The following PCDH15 variants were observed in gnomAD, a reference collection of about 807,000 sequenced individuals.
PCDH15 encodes the protein protocadherin related 15, also known as protocadherin-15.
A neutral mutation model predicts 178.5 loss-of-function variants in PCDH15; 129 were observed. That is an observed-to-expected ratio of 0.72 (90% CI 0.63 to 0.84). The LOEUF is 0.84. Ranked by LOEUF, PCDH15 falls within the 40% of genes least tolerant of loss-of-function variation. The pLI, the probability that PCDH15 is intolerant of heterozygous loss-of-function variation, is 0.00. For synonymous variants in PCDH15, 800 were observed against 732.0 expected (o/e 1.09, Z -1.50); for missense variants, 2,230 against 2,099.9 (o/e 1.06, Z -1.21).
At chr10:54,533,732 CT>C (rs761982137) in intron 2 of PCDH15, among the ~76,000 whole-genome samples, 2 of 152,088 alleles carry the variant, frequency 1.3e-5, no homozygotes, top group Non-Finnish European at 2.9e-5. Context: ...GAGTATTTGA[CT>C]TAACATAATC....
intron 3 of PCDH15, among the ~76,000 whole-genome samples, chr10:54,894,141 T>C (rs1360605766): frequency 6.6e-6 from 1 of 152,138 alleles, no homozygotes; most frequent in East Asian, 1.9e-4. Flanking sequence ...CATAGAAACA[T>C]AGCCCATCTC....
At chr10:54,032,420 CTTTA>C (rs1474059976) in intron 18 of PCDH15, among the ~76,000 whole-genome samples, 1 of 151,792 alleles carries the variant, frequency 6.6e-6, no homozygotes, top group Non-Finnish European at 1.5e-5. Flanking sequence ...ACAATGCCTG[CTTTA>C]TTTTTCTTTT....
At chr10:55,528,960 C>G (rs1004386474) in intron 2 of PCDH15, among the ~76,000 whole-genome samples, 1 of 152,188 alleles carries the variant, frequency 6.6e-6, no homozygotes, top group Non-Finnish European at 1.5e-5. Flanking sequence ...TTTTTATTTG[C>G]ATTTCTCTGA....
At chr10:55,357,130 G>A (rs147671869) in intron 2 of PCDH15, among the ~76,000 whole-genome samples, 59 of 151,962 alleles carry the variant, frequency 3.9e-4, no homozygotes, top group African/African-American at 1.3e-3. Context: ...TCGCTGGGCA[G>A]TTTAACCAGA....
intron 3 of PCDH15, among the ~76,000 whole-genome samples, chr10:54,433,511 A>C (rs1388435995): frequency 2.0e-5 from 3 of 152,146 alleles, no homozygotes; most frequent in Non-Finnish European, 4.4e-5. Flanking sequence ...CTAAAACTTA[A>C]AACAACTGAA....
chr10:54,128,799 A>T (rs12782364), intron 15 of PCDH15, among the ~76,000 whole-genome samples: 34,881 of 152,054 alleles, frequency 0.23, 5,913 homozygotes, highest in East Asian at 0.86. Flanking sequence ...AGTGAGGAAA[A>T]TAGTCAATTC....
intron 1 of PCDH15, among the ~76,000 whole-genome samples, chr10:55,298,739 C>T (rs530295620): frequency 4.6e-4 from 70 of 152,196 alleles, no homozygotes; most frequent in South Asian, 2.1e-4. Context: ...TGCCACCACA[C>T]CTAACGAATT....
At chr10:54,314,346 C>A (rs1203255751) in intron 8 of PCDH15, among the ~76,000 whole-genome samples, 1 of 152,004 alleles carries the variant, frequency 6.6e-6, no homozygotes, top group African/African-American at 2.4e-5. Flanking sequence ...GTTTAAATTT[C>A]ATGTGCAAAA....
At chr10:55,424,157 A>G (rs934010647) in intron 2 of PCDH15, among the ~76,000 whole-genome samples, 4 of 152,060 alleles carry the variant, frequency 2.6e-5, no homozygotes, top group African/African-American at 9.7e-5. Flanking sequence ...CCAAAAAGGA[A>G]CTCTAAAAGT....
At chr10:55,242,696 A>C (rs570091605) in intron 1 of PCDH15, among the ~76,000 whole-genome samples, 50 of 147,738 alleles carry the variant, frequency 3.4e-4, no homozygotes, top group African/African-American at 1.2e-3. Context: ...ACAAAAGAAA[A>C]AAAAAGTAGC....
chr10:54,525,860 A>G (rs937310699), intron 3 of PCDH15, among the ~76,000 whole-genome samples: 2 of 152,250 alleles, frequency 1.3e-5, no homozygotes, highest in Non-Finnish European at 1.5e-5. Flanking sequence ...AAATGATTAA[A>G]GCACTACATT....
At chr10:55,364,566 C>A (rs985552989) in intron 2 of PCDH15, among the ~76,000 whole-genome samples, 6 of 151,990 alleles carry the variant, frequency 3.9e-5, no homozygotes, top group African/African-American at 1.4e-4. Context: ...CTTTGGATTT[C>A]CCTTGTTTGG....
At chr10:55,581,837 T>A (rs138649058) in intron 2 of PCDH15, among the ~76,000 whole-genome samples, 3 of 152,132 alleles carry the variant, frequency 2.0e-5, no homozygotes, top group African/African-American at 7.2e-5. Context: ...GTTACACATG[T>A]GGGCAATTTT....
intron 2 of PCDH15, among the ~76,000 whole-genome samples, chr10:55,059,997 A>T (rs1738879874): frequency 6.6e-6 from 1 of 151,716 alleles, no homozygotes; most frequent in African/African-American, 2.4e-5. Context: ...TAAAAAAAAA[A>T]ATTAGTTGAA....
At chr10:55,193,532 C>A (rs547040212) in intron 1 of PCDH15, among the ~76,000 whole-genome samples, 2 of 152,006 alleles carry the variant, frequency 1.3e-5, no homozygotes, top group East Asian at 3.9e-4. Flanking sequence ...TGCATCCCCT[C>A]TTCAGGTTAA....
intron 26 of PCDH15, among the ~76,000 whole-genome samples, chr10:53,892,405 A>G (rs1400902740): frequency 6.6e-6 from 1 of 152,198 alleles, no homozygotes; most frequent in African/African-American, 2.4e-5. Context: ...TTCTATTATA[A>G]GTAATACGAA....
At chr10:55,306,830 A>T (rs1328074088) in intron 1 of PCDH15, among the ~76,000 whole-genome samples, 2 of 152,224 alleles carry the variant, frequency 1.3e-5, no homozygotes, top group Admixed American at 1.3e-4. Flanking sequence ...AGATGAGTAT[A>T]CAGAAGAAAA....
chr10:55,534,315 C>T (rs151019538), intron 2 of PCDH15, among the ~76,000 whole-genome samples: 4 of 152,122 alleles, frequency 2.6e-5, no homozygotes, highest in African/African-American at 9.6e-5. Context: ...TATTCACACG[C>T]TAGGCACCTG....
intron 8 of PCDH15, among the ~76,000 whole-genome samples, chr10:54,281,093 T>C (rs987880506): frequency 6.6e-6 from 1 of 151,918 alleles, no homozygotes. Flanking sequence ...TTTGCCAATA[T>C]GCCCCAAAAC....
Sources: gnomAD v4.1 joint callset for allele counts (sites outside exome capture counted in the v4.1 genomes callset) on GRCh38, gnomAD v4.1.1 for gene constraint, MANE v1.5 for transcripts, NCBI Gene and HGNC (gene_info 2026-07-23, HGNC 2026-07-21) for gene names.